Variants in SLC23A2 observed in about 807,000 individuals in gnomAD.
SLC23A2 encodes Na(+)/L-ascorbic acid transporter 2.
SLC23A2 carries 36 observed loss-of-function variants against 73.3 expected under a neutral mutation model. The observed-to-expected ratio is 0.49, with a 90% CI of 0.38 to 0.65. The LOEUF (loss-of-function observed/expected upper bound fraction) is 0.65. Ranked by LOEUF, SLC23A2 falls within the 30% of genes least tolerant of loss-of-function variation. SLC23A2 has a pLI of 0.00. For missense variants in SLC23A2, 507 were observed against 841.6 expected, an observed-to-expected ratio of 0.60 and a Z score of 4.92; for synonymous variants, 343 against 327.3, an observed-to-expected ratio of 1.05 and a Z score of -0.52.
intron 2 of SLC23A2, among the ~76,000 whole-genome samples, chr20:4,942,003 T>TA (rs1172127128): frequency 6.7e-6 from 1 of 148,818 alleles, no homozygotes; most frequent in Non-Finnish European, 1.5e-5. Flanking sequence ...CTATATTTTC[T>TA]AAACTAACTT....
rs898554103 is a variant in SLC23A2 at position 4,968,184 on chromosome 20, G to A, written c.-155+2609C>T. On this transcript the variant is annotated intron_variant, in intron 2 of 16. Transcript: ENST00000338244. ...TGGGCAGGAGAGCTCAAGGACACTG[G>A]AACTCCAGGCTGGAAGTTGTCAGGA... Among the ~76,000 whole-genome samples the A allele has an allele frequency of 2.0e-5, 3 of 152,044 alleles. No homozygotes were observed. The South Asian group carries it at 6.2e-4, about 32-fold the overall frequency.
intron 6 of SLC23A2, among the ~76,000 whole-genome samples, chr20:4,894,054 C>T (rs1931431500): frequency 6.6e-6 from 1 of 152,146 alleles, no homozygotes; most frequent in Admixed American, 6.5e-5. Context: ...AAAACCCTGA[C>T]CTGATTTCTC....
At chr20:4,880,371 C>CT (rs1010277300) in intron 9 of SLC23A2, among the ~76,000 whole-genome samples, 7 of 152,118 alleles carry the variant, frequency 4.6e-5, no homozygotes, top group Non-Finnish European at 1.0e-4. Context: ...CTGAGCCTTC[C>CT]TTTATTAGTT....
At chr20:4,950,807 T>G (rs1600164719) in intron 2 of SLC23A2, among the ~76,000 whole-genome samples, 1 of 152,128 alleles carries the variant, frequency 6.6e-6, no homozygotes, top group East Asian at 1.9e-4. Flanking sequence ...TCTTAGAAGA[T>G]GGGAGTCCCT....
At chr20:4,915,674 G>A (rs915256005) in intron 3 of SLC23A2, among the ~76,000 whole-genome samples, 3 of 152,146 alleles carry the variant, frequency 2.0e-5, no homozygotes, top group African/African-American at 4.8e-5. Flanking sequence ...GAGGCCAGGC[G>A]CAGTGGCTCA....
chr20:5,007,522 C>G (rs933592485), intron 1 of SLC23A2, among the ~76,000 whole-genome samples: 2 of 152,142 alleles, frequency 1.3e-5, no homozygotes, highest in African/African-American at 4.8e-5. Context: ...TAGAGCAAGA[C>G]TCAGTGTCAA....
chr20:4,858,637 A>G, intron 16 of SLC23A2, among the ~76,000 whole-genome samples: 1 of 152,144 alleles, frequency 6.6e-6, no homozygotes, highest in Non-Finnish European at 1.5e-5. Flanking sequence ...ATCTGCCAGT[A>G]TGTCCATGGC....
chr20:4,895,037 G>C (rs1291490482), intron 6 of SLC23A2, among the ~76,000 whole-genome samples: 1 of 152,210 alleles, frequency 6.6e-6, no homozygotes, highest in Non-Finnish European at 1.5e-5. Context: ...CATCCAGCGT[G>C]ACAGAAATAC....
intron 2 of SLC23A2, among the ~76,000 whole-genome samples, chr20:4,938,436 T>C (rs1178996216): frequency 6.6e-6 from 1 of 151,528 alleles, no homozygotes; most frequent in African/African-American, 2.4e-5. Flanking sequence ...CCTCCCAGGT[T>C]CAAGCAATTC....
intron 6 of SLC23A2, among the ~76,000 whole-genome samples, chr20:4,897,419 G>A (rs897253349): frequency 6.6e-6 from 1 of 152,170 alleles, no homozygotes; most frequent in African/African-American, 2.4e-5. Flanking sequence ...AGGTCATGGG[G>A]GACTCACTCT....
chr20:4,912,755 T>C lies in SLC23A2; in HGVS notation c.207+125A>G. 4.4e-6 allele frequency: 3 copies of C among 683,584 alleles called. No individual in the cohort carries two copies. The East Asian group carries it at 7.7e-5, about 17-fold the overall frequency. The allele number at this position is 683,584 out of a possible 1,614,324, so 42.3% of individuals were successfully genotyped here. A position where few individuals can be genotyped will look rare whatever the true frequency, so the allele number is the denominator to read the frequency against. On this transcript the variant is annotated intron_variant, in intron 4 of 16. Coordinates refer to ENST00000338244, the MANE Select transcript of SLC23A2 (RefSeq NM_005116.6). ...TGAAGAGAACACAGCCCCTTGGGAG[T>C]CAGAGACCAAGCCCCAGACGAAGGA...
chr20:4,991,466 C>G (rs6053020), intron 1 of SLC23A2, among the ~76,000 whole-genome samples: 54,594 of 151,818 alleles, frequency 0.36, 10,302 homozygotes, highest in Admixed American at 0.42. Context: ...GCTCATGCCT[C>G]TAATCCCAGC....
chr20:4,929,451 C>A (rs889049734), intron 3 of SLC23A2, among the ~76,000 whole-genome samples: 1 of 152,128 alleles, frequency 6.6e-6, no homozygotes, highest in African/African-American at 2.4e-5. Flanking sequence ...GTTGGCAACC[C>A]TGGGGAAGAC....
intron 1 of SLC23A2, among the ~76,000 whole-genome samples, chr20:4,992,452 C>T (rs878959629): frequency 4.0e-5 from 6 of 149,532 alleles, no homozygotes; most frequent in Admixed American, 3.3e-4. Context: ...TGAGTGAATA[C>T]CTATAAAATT....
upstream of SLC23A2, chr20:5,001,567 G>A (rs1371676666): frequency 6.6e-6 from 1 of 150,906 alleles, no homozygotes; most frequent in African/African-American, 2.4e-5. Context: ...CCCCGCGCCG[G>A]TCTGGGGCCC....
intron 2 of SLC23A2, among the ~76,000 whole-genome samples, chr20:4,969,897 T>C (rs562545525): frequency 6.0e-4 from 92 of 152,256 alleles, no homozygotes; most frequent in Non-Finnish European, 1.0e-3. Flanking sequence ...AAGAAGAAAT[T>C]TGATTGCAGT....
intron 3 of SLC23A2, among the ~76,000 whole-genome samples, chr20:4,920,586 G>T (rs776649972): frequency 5.3e-5 from 8 of 152,160 alleles, no homozygotes; most frequent in Non-Finnish European, 1.0e-4. Flanking sequence ...AAATTATGGT[G>T]TATCTATACC....
intron 1 of SLC23A2, among the ~76,000 whole-genome samples, chr20:4,976,031 T>A (rs1186452826): frequency 1.3e-5 from 2 of 151,706 alleles, no homozygotes; most frequent in Admixed American, 6.6e-5. Context: ...TTTTTTATAT[T>A]TTTAGTAGAG....
rs56246524 is a variant in SLC23A2, at chr20:4,985,136, C to CA, written c.-281-14218dup. Among the ~76,000 whole-genome samples the CA allele has an allele frequency of 1.5e-3, 152 of 103,924 alleles. 1 individual carries two copies. The highest frequency in any genetic ancestry group is 3.6e-3 in the East Asian group (13 of 3,564). The allele number at this position is 103,924 out of a possible 152,430, so 68.2% of individuals were successfully genotyped here. A position where few individuals can be genotyped will look rare whatever the true frequency, so the allele number is the denominator to read the frequency against. ...TGGTGACAGAGCAAGACTCCGTCTC[C>CA]AAAAAAAAAAAAAAAAAAAGTTAAA... On this transcript the variant is annotated intron_variant, in intron 1 of 16. Coordinates refer to ENST00000338244, the MANE Select transcript of SLC23A2 (RefSeq NM_005116.6).
Sources: allele counts gnomAD v4.1 joint callset (sites outside exome capture counted in the v4.1 genomes callset), GRCh38; gene constraint gnomAD v4.1.1; transcripts MANE v1.5; gene names NCBI Gene and HGNC (gene_info 2026-07-23, HGNC 2026-07-21).